Variants in LHFPL3 observed in about 807,000 individuals in gnomAD.
The protein encoded by LHFPL3 is LHFPL tetraspan subfamily member 3 protein.
Under a neutral mutation model 19.3 loss-of-function variants are expected in LHFPL3, and 5 were observed. The ratio of observed to expected loss-of-function variants is 0.26; its 90% CI spans 0.14 to 0.54. The LOEUF (loss-of-function observed/expected upper bound fraction) is 0.54. Among genes scored for constraint, LHFPL3 ranks in the 20% least tolerant of loss-of-function variants. The pLI is 0.94. For missense variants in LHFPL3, 249 were observed against 307.4 expected (o/e 0.81, Z 1.42); for synonymous variants, 133 against 126.2 (o/e 1.05, Z -0.36).
chr7:104,362,610 A>G (rs953538025), intron 1 of LHFPL3, among the ~76,000 whole-genome samples: 2 of 152,312 alleles, frequency 1.3e-5, no homozygotes, highest in Middle Eastern at 3.4e-3. Flanking sequence ...CAATGGGTTC[A>G]TCTTGTCCAC....
chr7:104,643,591 G>A (rs35022976), intron 1 of LHFPL3, among the ~76,000 whole-genome samples: 5,965 of 152,192 alleles, frequency 0.039, 135 homozygotes, highest in Middle Eastern at 0.054. Flanking sequence ...GAGGGCTTGC[G>A]GTCAGTAGAG....
intron 1 of LHFPL3, among the ~76,000 whole-genome samples, chr7:104,622,529 C>T (rs1308337455): frequency 2.0e-5 from 3 of 152,108 alleles, no homozygotes; most frequent in Non-Finnish European, 2.9e-5. Context: ...TGTACAATCA[C>T]CACTACAATT....
chr7:104,889,190 T>C (rs1188481766), intron 2 of LHFPL3, among the ~76,000 whole-genome samples: 3 of 152,166 alleles, frequency 2.0e-5, no homozygotes, highest in African/African-American at 7.2e-5. Context: ...AATGTTAACA[T>C]AGTATTTAGA....
At chr7:104,809,196 A>G (rs956276290) in intron 2 of LHFPL3, among the ~76,000 whole-genome samples, 1 of 152,178 alleles carries the variant, frequency 6.6e-6, no homozygotes, top group African/African-American at 2.4e-5. Context: ...GCCCAGCCGG[A>G]TCTTGGACCC....
chr7:104,792,318 C>T (rs1419410555), intron 2 of LHFPL3, among the ~76,000 whole-genome samples: 7 of 152,188 alleles, frequency 4.6e-5, no homozygotes, highest in Non-Finnish European at 8.8e-5. Flanking sequence ...AAGCAAACTC[C>T]TTTCTGGCCA....
chr7:104,829,841 T>C (rs1374042019), intron 2 of LHFPL3, among the ~76,000 whole-genome samples: 2 of 152,018 alleles, frequency 1.3e-5, no homozygotes, highest in African/African-American at 4.8e-5. Flanking sequence ...TTTGGGTATA[T>C]ACCCAGTAAT....
At chr7:104,388,886 A>T (rs1321699171) in intron 1 of LHFPL3, among the ~76,000 whole-genome samples, 1 of 152,200 alleles carries the variant, frequency 6.6e-6, no homozygotes, top group Non-Finnish European at 1.5e-5. Context: ...CCTCAAACTG[A>T]TAAAAGACAT....
intron 1 of LHFPL3, among the ~76,000 whole-genome samples, chr7:104,663,641 T>A (rs1268728651): frequency 1.3e-5 from 2 of 152,222 alleles, no homozygotes; most frequent in African/African-American, 4.8e-5. Flanking sequence ...CAAAGGTATA[T>A]GCCAAAACTT....
At chr7:104,460,000 C>A (rs904614278) in intron 1 of LHFPL3, among the ~76,000 whole-genome samples, 47 of 152,110 alleles carry the variant, frequency 3.1e-4, no homozygotes, top group African/African-American at 1.1e-3. Context: ...CTGATCCTCT[C>A]CTTCTTCTTA....
At chr7:104,666,262 T>G (rs932339434) in intron 1 of LHFPL3, among the ~76,000 whole-genome samples, 33 of 151,940 alleles carry the variant, frequency 2.2e-4, no homozygotes, top group Non-Finnish European at 2.6e-4. Context: ...TTATAACTTA[T>G]TCCTTCTATC....
At chr7:104,729,587 C>T (rs549892830) in intron 1 of LHFPL3, among the ~76,000 whole-genome samples, 1 of 152,178 alleles carries the variant, frequency 6.6e-6, no homozygotes, top group Admixed American at 6.5e-5. Flanking sequence ...AGATCAACTC[C>T]TTTAAAGTCT....
intron 1 of LHFPL3, among the ~76,000 whole-genome samples, chr7:104,391,210 T>C (rs1024361162): frequency 6.6e-6 from 1 of 152,208 alleles, no homozygotes; most frequent in Admixed American, 6.5e-5. Context: ...TTGTCAATTT[T>C]GGTTTTTGTT....
chr7:104,329,797 T>G (rs1055826777), intron 1 of LHFPL3, among the ~76,000 whole-genome samples: 1 of 152,228 alleles, frequency 6.6e-6, no homozygotes, highest in African/African-American at 2.4e-5. Flanking sequence ...GAGATCTTAA[T>G]TCTGTTTTGG....
intron 1 of LHFPL3, among the ~76,000 whole-genome samples, chr7:104,608,243 A>G (rs924572430): frequency 3.9e-5 from 6 of 152,002 alleles, no homozygotes; most frequent in African/African-American, 1.4e-4. Context: ...CTTGGAACCA[A>G]CCCAAATGTC....
intron 1 of LHFPL3, among the ~76,000 whole-genome samples, chr7:104,411,934 A>T (rs935037532): frequency 6.6e-6 from 1 of 152,216 alleles, no homozygotes; most frequent in Non-Finnish European, 1.5e-5. Context: ...AAAAGGTAGG[A>T]CTAAAGTTTT....
At chr7:104,624,714 A>G (rs1233061674) in intron 1 of LHFPL3, among the ~76,000 whole-genome samples, 1 of 152,234 alleles carries the variant, frequency 6.6e-6, no homozygotes, top group Non-Finnish European at 1.5e-5. Context: ...TTTTCTGTGC[A>G]GGACTATTTA....
chr7:104,510,166 T>A (rs1371662871), intron 1 of LHFPL3, among the ~76,000 whole-genome samples: 2 of 152,080 alleles, frequency 1.3e-5, no homozygotes, highest in Admixed American at 1.3e-4. Flanking sequence ...CCCAAATTGA[T>A]TATAGGTTTA....
At chr7:104,836,524 TTC>T (rs1221696230) in intron 2 of LHFPL3, among the ~76,000 whole-genome samples, 1 of 152,174 alleles carries the variant, frequency 6.6e-6, no homozygotes, top group Non-Finnish European at 1.5e-5. Flanking sequence ...AAGCCTACTG[TTC>T]TTTTACCATT....
At chr7:104,582,616 C>T (rs1790480510) in intron 1 of LHFPL3, among the ~76,000 whole-genome samples, 1 of 151,838 alleles carries the variant, frequency 6.6e-6, no homozygotes, top group African/African-American at 2.4e-5. Context: ...TAAGTAACTT[C>T]CTTTCTATTT....
Sources: allele counts gnomAD v4.1 joint callset (sites outside exome capture counted in the v4.1 genomes callset), GRCh38; gene constraint gnomAD v4.1.1; transcripts MANE v1.5; gene names NCBI Gene and HGNC (gene_info 2026-07-23, HGNC 2026-07-21).